Variants in STK32B observed in about 807,000 individuals in gnomAD.
STK32B encodes serine/threonine kinase 32B.
STK32B carries 43 observed loss-of-function variants against 52.6 expected under a neutral mutation model. The observed-to-expected ratio is 0.82, with a 90% CI of 0.64 to 1.05. The LOEUF (loss-of-function observed/expected upper bound fraction) is 1.05. Among genes scored for constraint, STK32B ranks in the 50% least tolerant of loss-of-function variants. The pLI is 0.00. For missense variants in STK32B, 621 were observed against 534.6 expected (o/e 1.16, Z -1.59); for synonymous variants, 238 against 204.3 (o/e 1.17, Z -1.41).
At chr4:5,455,689 G>A (rs1307573985) in intron 7 of STK32B, among the ~76,000 whole-genome samples, 1 of 152,116 alleles carries the variant, frequency 6.6e-6, no homozygotes, top group Non-Finnish European at 1.5e-5. Context: ...CAGCACCTGC[G>A]GAGGGACTGA....
intron 6 of STK32B, among the ~76,000 whole-genome samples, chr4:5,427,368 C>T (rs1222617922): frequency 2.0e-5 from 3 of 152,102 alleles, no homozygotes; most frequent in Non-Finnish European, 4.4e-5. Context: ...CTTGTAACAA[C>T]TTGGTGTGGC....
chr4:5,326,352 C>T (rs557176607), intron 3 of STK32B, among the ~76,000 whole-genome samples: 2 of 152,144 alleles, frequency 1.3e-5, no homozygotes, highest in East Asian at 3.9e-4. Flanking sequence ...AGTTCCAAGT[C>T]ACAGAAATTC....
intron 3 of STK32B, among the ~76,000 whole-genome samples, chr4:5,169,993 G>A (rs1045471641): frequency 2.0e-5 from 3 of 151,894 alleles, no homozygotes; most frequent in East Asian, 1.9e-4. Flanking sequence ...AATATCTGGC[G>A]GGAGCGCTAC....
Position 5,329,997 on chromosome 4 carries a change from A to C in STK32B, c.261-1223A>C, listed in dbSNP as rs1732127376. Among the ~76,000 whole-genome samples the C allele has an allele frequency of 5.9e-5, 9 of 152,300 alleles. No homozygotes were observed. The South Asian group carries it at 1.9e-3, about 32-fold the overall frequency. ...CAGGGCTGCACACCCAGGATACTGG[A>C]ACATAGTGTGGGTGCATTACAGCAA... is the stretch of plus-strand genomic sequence containing the variant. On this transcript the variant is annotated intron_variant, in intron 3 of 11. Transcript: ENST00000282908.
intron 3 of STK32B, among the ~76,000 whole-genome samples, chr4:5,253,376 T>C (rs1244852450): frequency 6.6e-6 from 1 of 152,090 alleles, no homozygotes; most frequent in Non-Finnish European, 1.5e-5. Flanking sequence ...AGATTTGTTG[T>C]TGTTGTTGTT....
At chr4:5,191,932 A>T (rs907290173) in intron 3 of STK32B, among the ~76,000 whole-genome samples, 1 of 152,190 alleles carries the variant, frequency 6.6e-6, no homozygotes, top group African/African-American at 2.4e-5. Context: ...GGGGAATACA[A>T]CAGGGGCATG....
chr4:5,416,755 T>C, intron 5 of STK32B, 90 bp from the exon 6 acceptor site: 1 of 1,014,458 alleles, frequency 9.9e-7, no homozygotes, highest in Non-Finnish European at 1.5e-6. Context: ...AATGTTTTCT[T>C]CACGGTATCT....
At chr4:5,424,368 G>T (rs1405489368) in intron 6 of STK32B, among the ~76,000 whole-genome samples, 2 of 152,178 alleles carry the variant, frequency 1.3e-5, no homozygotes. Context: ...ATGGTCTGAA[G>T]CCTGGGGGCT....
chr4:5,495,142 G>A (rs893592213), intron 11 of STK32B, among the ~76,000 whole-genome samples: 1 of 152,182 alleles, frequency 6.6e-6, no homozygotes, highest in Non-Finnish European at 1.5e-5. Context: ...GATTGGGGAA[G>A]TTCTCCTGGA....
At chr4:5,067,011 C>G (rs1020000756) in intron 1 of STK32B, among the ~76,000 whole-genome samples, 4 of 152,172 alleles carry the variant, frequency 2.6e-5, no homozygotes, top group African/African-American at 9.7e-5. Flanking sequence ...TGTTTTCACA[C>G]TGCTGATAAA....
chr4:5,284,335 G>A (rs1216954491), intron 3 of STK32B, among the ~76,000 whole-genome samples: 1 of 152,048 alleles, frequency 6.6e-6, no homozygotes, highest in Admixed American at 6.6e-5. Context: ...TAAGACAAAA[G>A]TAAACTTTAA....
intron 1 of STK32B, among the ~76,000 whole-genome samples, chr4:5,136,665 T>G (rs116762347): frequency 0.011 from 1,678 of 152,330 alleles, 12 homozygotes; most frequent in Non-Finnish European, 0.015. Flanking sequence ...CAATTCTTCC[T>G]ACTCTGAGCA....
the STK32B span, among the ~76,000 whole-genome samples, chr4:5,044,210 G>A: frequency 6.6e-6 from 1 of 151,900 alleles, no homozygotes; most frequent in Non-Finnish European, 1.5e-5. Context: ...CATCTCCCTG[G>A]CCTCTTCCTG....
chr4:5,266,810 G>A (rs953366464), intron 3 of STK32B, among the ~76,000 whole-genome samples: 2 of 152,096 alleles, frequency 1.3e-5, no homozygotes, highest in African/African-American at 2.4e-5. Context: ...AATAGTAGTT[G>A]CATTTACTTT....
intron 3 of STK32B, among the ~76,000 whole-genome samples, chr4:5,278,176 G>C (rs143829433): frequency 2.0e-4 from 31 of 152,300 alleles, no homozygotes; most frequent in African/African-American, 7.2e-4. Context: ...GACATGAAGA[G>C]CCTCTCAGTA....
intron 2 of STK32B, among the ~76,000 whole-genome samples, chr4:5,163,969 A>C (rs1385669944): frequency 6.6e-6 from 1 of 151,294 alleles, no homozygotes. Flanking sequence ...GGCTCTTCCC[A>C]CTCTGTCCCA....
At chr4:5,288,039 C>A (rs1560287965) in intron 3 of STK32B, among the ~76,000 whole-genome samples, 1 of 152,130 alleles carries the variant, frequency 6.6e-6, no homozygotes, top group Non-Finnish European at 1.5e-5. Flanking sequence ...TTCTTTCATT[C>A]ATCATAATGT....
intron 3 of STK32B, among the ~76,000 whole-genome samples, chr4:5,271,136 C>T (rs1727402114): frequency 6.6e-6 from 1 of 152,128 alleles, no homozygotes; most frequent in Non-Finnish European, 1.5e-5. Context: ...TGGGGTTTCA[C>T]CATGTTGGCC....
intron 6 of STK32B, among the ~76,000 whole-genome samples, chr4:5,439,355 G>A (rs1056897810): frequency 6.6e-5 from 10 of 151,914 alleles, no homozygotes; most frequent in Admixed American, 5.9e-4. Flanking sequence ...GATGGCCAGT[G>A]ATGATGAGCA....
Sources: allele counts gnomAD v4.1 joint callset (sites outside exome capture counted in the v4.1 genomes callset), GRCh38; gene constraint gnomAD v4.1.1; transcripts MANE v1.5; gene names NCBI Gene and HGNC (gene_info 2026-07-23, HGNC 2026-07-21).